CKAP5: variants seen among roughly 807,000 people sequenced by gnomAD.
The protein encoded by CKAP5 is cytoskeleton-associated protein 5.
A neutral mutation model predicts 232.8 loss-of-function variants in CKAP5; 27 were observed. That is an observed-to-expected ratio of 0.12 (90% CI 0.09 to 0.16). The LOEUF (loss-of-function observed/expected upper bound fraction) is 0.16, where lower values mean the gene tolerates loss of function less well. CKAP5 is among the 10% of genes least tolerant of loss of function. The pLI is 1.00. For synonymous variants in CKAP5, 785 were observed against 841.1 expected (o/e 0.93, Z 1.16); for missense variants, 1,838 against 2,424.7 (o/e 0.76, Z 5.08).
chr11:46,839,023 AG>A (rs1939985668), intron 1 of CKAP5, among the ~76,000 whole-genome samples: 1 of 152,096 alleles, frequency 6.6e-6, no homozygotes, highest in Non-Finnish European at 1.5e-5. Context: ...TGAGTCACTG[AG>A]GTAACCTCAA....
intron 13 of CKAP5, among the ~76,000 whole-genome samples, chr11:46,793,668 A>T (rs932530693): frequency 2.0e-5 from 3 of 152,222 alleles, no homozygotes; most frequent in African/African-American, 7.2e-5. Context: ...CATGCCTGTA[A>T]TTCCAGCACT....
In CKAP5 at chr11:46,756,921, A is replaced by ATT. The variant is rs574875888; in HGVS notation, c.4690-1856_4690-1855dup. The stretch of plus-strand genomic sequence containing the variant: ...CAGGCATGTGCCACTATGCCCGGCT[A>ATT]TTTTTTTTTTTTTTTGTATTTTTAA... On this transcript the variant is annotated intron_variant, in intron 35 of 43. Transcript: ENST00000529230. 9.0e-3 allele frequency among the ~76,000 whole-genome samples: 1,184 copies of ATT among 131,180 alleles called. 10 individuals are homozygous for ATT. The highest frequency in any genetic ancestry group is 0.014 in the Admixed American group (178 of 13,060). 86.1% of individuals were successfully genotyped at this position (131,180 alleles called of 152,430 possible). A position where few individuals can be genotyped will look rare whatever the true frequency, so the allele number is the denominator to read the frequency against.
rs201908100 is a variant in CKAP5 at position 46,751,262 on chromosome 11, G to C, written c.5323-7C>G. ...TCGTTAGGTGGTCCAGGATCTGAGG[G>C]AGACACATGCATGACTGATAGCACT... On this transcript the variant is annotated splice_polypyrimidine_tract_variant and splice_region_variant and intron_variant, in intron 39 of 43. Transcript: ENST00000529230. 28 of 1,614,068 alleles carry C rather than the reference G, an allele frequency of 1.7e-5. No individual in the cohort carries two copies. The highest frequency in any genetic ancestry group is 2.3e-5 in the Non-Finnish European group (27 of 1,180,052).
At chr11:46,775,695 C>T (rs1212467867) in intron 24 of CKAP5, among the ~76,000 whole-genome samples, 2 of 152,072 alleles carry the variant, frequency 1.3e-5, no homozygotes, top group African/African-American at 4.8e-5. Flanking sequence ...AGCTGGAAAC[C>T]GTCATTCTCA....
chr11:46,808,142 C>T lies in CKAP5; in HGVS notation c.867G>A (p.Glu289=). ...CTTTTCTCTCTTGCCATTTTTTTGC[C>T]TCCTGCAAGATACAATATGAGTCAT... The part of the protein sequence containing the change: ...KLPKDFYDKI[E]AKKWQERKEA... Residue 289 remains glutamate, a splice_region_variant and synonymous_variant, in exon 8 of 44, where the codon GAG becomes GAA. Coordinates refer to ENST00000529230, the MANE Select transcript of CKAP5 (RefSeq NM_001008938.4). 1 of 1,605,078 alleles carries T rather than the reference C, an allele frequency of 6.2e-7. No individual in the cohort carries two copies. Among genetic ancestry groups the T allele is most frequent in the South Asian group, 1.1e-5 (1 of 90,636 alleles).
intron 36 of CKAP5, among the ~76,000 whole-genome samples, chr11:46,753,712 G>A (rs917405800): frequency 3.3e-5 from 5 of 151,296 alleles, no homozygotes; most frequent in East Asian, 1.9e-4. Context: ...TCAGTCTCCC[G>A]AGTAGCTGGG....
At chr11:46,753,600 T>G in intron 36 of CKAP5, 103 bp from the exon 37 acceptor site, 1 of 931,844 alleles carries the variant, frequency 1.1e-6, no homozygotes, top group Non-Finnish European at 1.6e-6. Context: ...TTGTATTTTT[T>G]TTTTGAGACG....
In CKAP5 at chr11:46,753,450, T is replaced by C. The variant is rs2065085254; in HGVS notation, c.4917A>G (p.Leu1639=). The C allele has an allele frequency of 1.9e-6, 3 of 1,613,900 alleles. No individual in the cohort carries two copies. The highest frequency in any genetic ancestry group is 2.5e-6 in the Non-Finnish European group (3 of 1,179,922). ...SLAREASTGV[L]KDLMHGLITL... is the part of the protein sequence containing the mutation. Reference sequence around the variant, plus strand: ...TGATGAGGCCATGCATTAGGTCTTTTAGTACTCCAGTGGAGGCCTCCCGGG... The same window carrying C: ...TGATGAGGCCATGCATTAGGTCTTTCAGTACTCCAGTGGAGGCCTCCCGGG... The change falls in exon 37 of 44, where the codon CTA becomes CTG. Residue 1639 remains leucine, a synonymous_variant. Transcript: ENST00000529230.
intron 16 of CKAP5, among the ~76,000 whole-genome samples, chr11:46,785,716 G>A (rs1435684610): frequency 6.6e-6 from 1 of 152,194 alleles, no homozygotes; most frequent in African/African-American, 2.4e-5. Flanking sequence ...AGGTTGAGTC[G>A]AGGGGAATGC....
At chr11:46,800,314 T>C (rs1938998435) in intron 9 of CKAP5, among the ~76,000 whole-genome samples, 1 of 152,188 alleles carries the variant, frequency 6.6e-6, no homozygotes, top group African/African-American at 2.4e-5. Flanking sequence ...TTAAGTTCTC[T>C]GAGATTATTT....
rs779398480 is a variant in CKAP5, at chr11:46,744,087, G to A, written c.6035C>T (p.Ser2012Phe). 2 of 1,614,010 alleles carry A rather than the reference G, an allele frequency of 1.2e-6. No individual in the cohort carries two copies. The highest frequency in any genetic ancestry group is 1.3e-5 in the African/African-American group (1 of 75,016). ...THSSGTVTSS[S>F]STANIDDLKK... ...CAAGTCGTCTATGTTAGCTGTGGAG[G>A]AGGAGGAGGTCACAGTTCCTGAAGA... The change falls in exon 44 of 44, where the codon TCC becomes TTC. Residue 2012 changes from serine (S) to phenylalanine (F), a missense_variant. By Grantham distance (155) the Ser-to-Phe change is radical (BLOSUM62 -2). Coordinates refer to ENST00000529230, the MANE Select transcript of CKAP5 (RefSeq NM_001008938.4).
chr11:46,794,397 T>C (rs1260358560), intron 13 of CKAP5, among the ~76,000 whole-genome samples: 3 of 150,518 alleles, frequency 2.0e-5, no homozygotes, highest in Non-Finnish European at 4.4e-5. Context: ...CTGGGAGGTA[T>C]GCTGTGATTG....
chr11:46,839,336 T>C (rs894632374), intron 1 of CKAP5, among the ~76,000 whole-genome samples: 6 of 152,192 alleles, frequency 3.9e-5, no homozygotes, highest in African/African-American at 1.4e-4. Flanking sequence ...GTTGGAGTTA[T>C]ACACATCAAG....
chr11:46,768,610 A>T (rs1335079789), intron 26 of CKAP5, among the ~76,000 whole-genome samples: 1 of 150,792 alleles, frequency 6.6e-6, no homozygotes, highest in Non-Finnish European at 1.5e-5. Context: ...TTTTGAGACT[A>T]GTTCTGGCTC....
At chr11:46,763,684 T>C (rs1035619359) in intron 28 of CKAP5, 54 bp from the exon 29 acceptor site, 25 of 1,267,734 alleles carry the variant, frequency 2.0e-5, no homozygotes, top group Non-Finnish European at 2.6e-5. Context: ...TGAAATGAGG[T>C]AGAGAGCCTT....
intron 42 of CKAP5, among the ~76,000 whole-genome samples, chr11:46,745,612 C>CT (rs1279540091): frequency 6.6e-6 from 1 of 152,134 alleles, no homozygotes; most frequent in Non-Finnish European, 1.5e-5. Flanking sequence ...GCACACCACA[C>CT]TTTAACTCCT....
At chr11:46,823,198 T>C (rs139228663) in intron 1 of CKAP5, among the ~76,000 whole-genome samples, 34 of 152,316 alleles carry the variant, frequency 2.2e-4, no homozygotes, top group African/African-American at 7.9e-4. Flanking sequence ...CTCGAACTCC[T>C]GGGCTCAAGT....
chr11:46,838,316 G>C (rs117103154), intron 1 of CKAP5, among the ~76,000 whole-genome samples: 2,065 of 152,164 alleles, frequency 0.014, 19 homozygotes, highest in Non-Finnish European at 0.021. Context: ...GACTAATTGA[G>C]ACTGTTAAGA....
intron 1 of CKAP5, among the ~76,000 whole-genome samples, chr11:46,843,449 G>A (rs1551744): frequency 0.64 from 97,657 of 151,680 alleles, 33,094 homozygotes; most frequent in Non-Finnish European, 0.77. Context: ...ATTAAGAGAA[G>A]GCCAGGCGTA....
Sources: gnomAD v4.1 joint callset for allele counts (sites outside exome capture counted in the v4.1 genomes callset) on GRCh38, gnomAD v4.1.1 for gene constraint, MANE v1.5 for transcripts, NCBI Gene and HGNC (gene_info 2026-07-23, HGNC 2026-07-21) for gene names.